FRYL: variants seen among roughly 807,000 people sequenced by gnomAD.
FRYL encodes the protein FRY like transcription coactivator.
A neutral mutation model predicts 351.2 loss-of-function variants in FRYL; 150 were observed. The observed-to-expected ratio is 0.43, with a 90% confidence interval of 0.37 to 0.49. The LOEUF (loss-of-function observed/expected upper bound fraction) is 0.49. FRYL is among the 20% of genes least tolerant of loss of function. The pLI is 0.00. For missense variants in FRYL, 3,036 were observed against 3,619.3 expected (o/e 0.84, Z 4.13); for synonymous variants, 1,153 against 1,257.1 (o/e 0.92, Z 1.75).
rs73817831 is a variant in FRYL, at chr4:48,640,774, G to A, written c.-80-6284C>T. On this transcript the variant is annotated intron_variant, in intron 3 of 63. Coordinates refer to ENST00000358350, the MANE Select transcript of FRYL (RefSeq NM_015030.2). Reference sequence around the variant, plus strand: ...TTCTACTCAAGTTTTCTGTAAACCCGAAATTATGCTAAAAAATAAAGCTGA... The same window carrying A: ...TTCTACTCAAGTTTTCTGTAAACCCAAAATTATGCTAAAAAATAAAGCTGA... Among the ~76,000 whole-genome samples the A allele has an allele frequency of 3.9e-3, 594 of 152,144 alleles. 2 individuals are homozygous for A. Among genetic ancestry groups the A allele is most frequent in the African/African-American group, 0.014 (571 of 41,536 alleles).
At chr4:48,544,699 A>G in intron 43 of FRYL, 84 bp downstream of exon 43, 1 of 1,129,356 alleles carries the variant, frequency 8.9e-7, no homozygotes, top group South Asian at 1.9e-5. Flanking sequence ...TCACAATATC[A>G]ACTATTAACT....
chr4:48,593,464 C>T (rs888339419), intron 16 of FRYL, among the ~76,000 whole-genome samples: 5 of 152,130 alleles, frequency 3.3e-5, no homozygotes, highest in African/African-American at 1.2e-4. Flanking sequence ...CCTGCCTCAG[C>T]CTCCCTAGTA....
intron 19 of FRYL, among the ~76,000 whole-genome samples, chr4:48,584,370 T>A (rs1477021681): frequency 1.3e-5 from 2 of 152,190 alleles, no homozygotes; most frequent in Admixed American, 6.5e-5. Flanking sequence ...CCTGCTGAAC[T>A]CAGTTCTAGT....
Position 48,564,981 on chromosome 4 carries a change from G to A in FRYL, c.3393C>T (p.Gly1131=). Residue 1131 remains glycine, a synonymous_variant, in exon 30 of 64, where the codon GGC becomes GGT. Coordinates refer to ENST00000358350, the MANE Select transcript of FRYL (RefSeq NM_015030.2). ...TGTTATCCAACCATTTGTACAAATA[G>A]CCATCTGATGAAAGTCCTACATTAT... is the stretch of plus-strand genomic sequence containing the variant. ...VADNVGLSSD[G]YLYKWLDNIL... 6.2e-7 allele frequency: 1 copy of A among 1,609,546 alleles called. No homozygotes were observed. The highest frequency in any genetic ancestry group is 8.5e-7 in the Non-Finnish European group (1 of 1,176,910).
Position 48,527,501 on chromosome 4 carries a change from TAA to T in FRYL, c.7291_7292del (p.Leu2431ArgfsTer3). 6.2e-7 allele frequency: 1 copy of T among 1,612,756 alleles called. No individual in the cohort carries two copies. The highest frequency in any genetic ancestry group is 8.5e-7 in the Non-Finnish European group (1 of 1,179,202). The part of the protein sequence containing the change: ...QFGVFKDFDF[L>X]DVELEDAEGE... ...CCTCTGCATCTTCCAATTCAACATC[TAA>T]AAAGTCAAAATCCTTAAAAACACCA... On this transcript the variant is annotated frameshift_variant, in exon 53 of 64. Coordinates refer to ENST00000358350, the MANE Select transcript of FRYL (RefSeq NM_015030.2). LOFTEE classifies it high-confidence loss of function.
chr4:48,544,371 C>G (rs1195035539), intron 43 of FRYL, among the ~76,000 whole-genome samples: 1 of 152,110 alleles, frequency 6.6e-6, no homozygotes, highest in Non-Finnish European at 1.5e-5. Flanking sequence ...CTAGACATTG[C>G]CAAATGTCCC....
chr4:48,742,149 T>C (rs542320572), intron 1 of FRYL, among the ~76,000 whole-genome samples: 2 of 152,360 alleles, frequency 1.3e-5, no homozygotes, highest in East Asian at 3.9e-4. Context: ...TACCCTCCTC[T>C]CAATTTTGCT....
chr4:48,741,688 C>A (rs1578891832), intron 1 of FRYL, among the ~76,000 whole-genome samples: 1 of 151,876 alleles, frequency 6.6e-6, no homozygotes, highest in Non-Finnish European at 1.5e-5. Flanking sequence ...AGAGCAAGAC[C>A]CTCTCTCAAA....
intron 2 of FRYL, among the ~76,000 whole-genome samples, chr4:48,687,212 A>T (rs1765222736): frequency 6.6e-6 from 1 of 152,174 alleles, no homozygotes; most frequent in African/African-American, 2.4e-5. Flanking sequence ...ATTTTGAGAC[A>T]GTGAAGGTCA....
At chr4:48,529,217 A>C (rs1726974514) in intron 50 of FRYL, among the ~76,000 whole-genome samples, 1 of 152,144 alleles carries the variant, frequency 6.6e-6, no homozygotes, top group Non-Finnish European at 1.5e-5. Context: ...CTGTTCTACC[A>C]CCACCACCTC....
At chr4:48,552,581 C>A (rs1472738776) in intron 36 of FRYL, among the ~76,000 whole-genome samples, 1 of 151,606 alleles carries the variant, frequency 6.6e-6, no homozygotes, top group Admixed American at 6.6e-5. Flanking sequence ...GTATTGGATA[C>A]GAAACAACAG....
intron 3 of FRYL, among the ~76,000 whole-genome samples, chr4:48,635,141 T>C (rs1331350965): frequency 6.6e-6 from 1 of 152,116 alleles, no homozygotes; most frequent in Non-Finnish European, 1.5e-5. Flanking sequence ...TCAGAATCAG[T>C]AGTCAGGGAG....
chr4:48,631,184 A>C (rs1213277833), intron 4 of FRYL, among the ~76,000 whole-genome samples: 2 of 152,272 alleles, frequency 1.3e-5, no homozygotes, highest in East Asian at 3.9e-4. Context: ...AATCTGTAAA[A>C]TATGATGGTG....
intron 13 of FRYL, among the ~76,000 whole-genome samples, chr4:48,597,903 T>A (rs1744930211): frequency 6.6e-6 from 1 of 152,214 alleles, no homozygotes; most frequent in Non-Finnish European, 1.5e-5. Context: ...TATGTCTGAA[T>A]AATAAAATCA....
chr4:48,605,100 G>A (rs1414525692), intron 11 of FRYL, among the ~76,000 whole-genome samples: 13 of 152,118 alleles, frequency 8.5e-5, no homozygotes, highest in Non-Finnish European at 1.9e-4. Flanking sequence ...AATTCATATG[G>A]CTAAAAACTG....
chr4:48,675,622 C>T (rs1366258086), intron 3 of FRYL, among the ~76,000 whole-genome samples: 1 of 152,244 alleles, frequency 6.6e-6, no homozygotes, highest in Non-Finnish European at 1.5e-5. Context: ...CTGAGCCTCC[C>T]ACCCACTCCA....
chr4:48,656,919 C>A (rs1386479213), intron 3 of FRYL, among the ~76,000 whole-genome samples: 3 of 151,984 alleles, frequency 2.0e-5, no homozygotes, highest in Non-Finnish European at 2.9e-5. Context: ...GTGGGCAGAG[C>A]CTCATTCTCT....
chr4:48,690,513 T>C (rs1765586204), intron 2 of FRYL, among the ~76,000 whole-genome samples: 1 of 152,182 alleles, frequency 6.6e-6, no homozygotes, highest in African/African-American at 2.4e-5. Flanking sequence ...TCTCCAGAAG[T>C]TGCCTACAAA....
At position 48,662,976 on chromosome 4, in the gene FRYL, A is replaced by T. The variant is rs189759022; in HGVS notation, c.-81+21697T>A. Reference sequence around the variant, plus strand: ...ATCTGCACTACAAAAAATAAAAAAGAAGTTCTTCAGGTGGAAAGAAAATCA... The same window carrying T: ...ATCTGCACTACAAAAAATAAAAAAGTAGTTCTTCAGGTGGAAAGAAAATCA... On this transcript the variant is annotated intron_variant, in intron 3 of 63. Coordinates refer to ENST00000358350, the MANE Select transcript of FRYL (RefSeq NM_015030.2). Among the ~76,000 whole-genome samples the T allele has an allele frequency of 7.2e-4, 109 of 152,274 alleles. No individual in the cohort carries two copies. The East Asian group carries it at 0.019, about 26-fold the overall frequency.
Sources: allele counts gnomAD v4.1 joint callset (sites outside exome capture counted in the v4.1 genomes callset), GRCh38; gene constraint gnomAD v4.1.1; transcripts MANE v1.5; gene names NCBI Gene and HGNC (gene_info 2026-07-23, HGNC 2026-07-21).